The following FSTL4 variants were observed in gnomAD, a reference collection of about 807,000 sequenced individuals.
FSTL4 encodes the protein follistatin-related protein 4.
In FSTL4, 28 loss-of-function variants were observed where a neutral mutation model predicts 78.2. The observed-to-expected ratio is 0.36, with a 90% CI of 0.27 to 0.49. The LOEUF is 0.49. FSTL4 is among the 20% of genes least tolerant of loss of function. The pLI is 0.98. For synonymous variants in FSTL4, 422 were observed against 440.5 expected, an observed-to-expected ratio of 0.96 and a Z score of 0.53; for missense variants, 922 against 1,084.9, an observed-to-expected ratio of 0.85 and a Z score of 2.11.
the FSTL4 span, among the ~76,000 whole-genome samples, chr5:133,672,710 C>T: frequency 2.0e-5 from 3 of 152,212 alleles, no homozygotes; most frequent in Admixed American, 6.5e-5. Context: ...GTTGTTCCTG[C>T]CACAGCTCTC....
chr5:133,779,194 C>T, the FSTL4 span, among the ~76,000 whole-genome samples: 1 of 152,170 alleles, frequency 6.6e-6, no homozygotes, highest in Non-Finnish European at 1.5e-5. Context: ...CTAGTTCAAG[C>T]CCATCCTCTC....
intron 6 of FSTL4, among the ~76,000 whole-genome samples, chr5:133,292,239 T>C (rs1753280948): frequency 6.6e-6 from 1 of 152,216 alleles, no homozygotes; most frequent in African/African-American, 2.4e-5. Flanking sequence ...CATGCAGCCT[T>C]CTCTGACCCG....
intron 2 of FSTL4, 54 bp from the exon 3 acceptor site, chr5:133,567,273 T>C (rs1760046201): frequency 1.6e-6 from 2 of 1,219,414 alleles, no homozygotes; most frequent in Non-Finnish European, 2.4e-6. Context: ...TATGTACAGA[T>C]ACTTGCAAAT....
intron 3 of FSTL4, among the ~76,000 whole-genome samples, chr5:133,439,802 C>T (rs1343202885): frequency 4.6e-5 from 7 of 152,176 alleles, no homozygotes; most frequent in Non-Finnish European, 1.0e-4. Flanking sequence ...AAGGCTTTGC[C>T]GAAGGGGGCA....
At chr5:133,790,899 C>T in the FSTL4 span, among the ~76,000 whole-genome samples, 1 of 152,232 alleles carries the variant, frequency 6.6e-6, no homozygotes, top group Non-Finnish European at 1.5e-5. Context: ...CTGAGTCCAC[C>T]CTTGCCCCAG....
At chr5:133,600,431 G>GA in intron 2 of FSTL4, among the ~76,000 whole-genome samples, 1 of 145,728 alleles carries the variant, frequency 6.9e-6, no homozygotes. Flanking sequence ...AGGGGGGGGG[G>GA]ATATAACAAC....
chr5:133,221,612 T>A (rs1561626380), intron 11 of FSTL4, among the ~76,000 whole-genome samples: 3 of 152,144 alleles, frequency 2.0e-5, no homozygotes, highest in African/African-American at 7.2e-5. Context: ...GGAAAGGGAC[T>A]TGTCTGAGGC....
the FSTL4 span, among the ~76,000 whole-genome samples, chr5:133,683,429 T>C: frequency 6.6e-6 from 1 of 152,200 alleles, no homozygotes; most frequent in Non-Finnish European, 1.5e-5. Context: ...GCAAATTTAA[T>C]ACACAGTAGT....
At chr5:133,581,994 A>G (rs1760423127) in intron 2 of FSTL4, among the ~76,000 whole-genome samples, 1 of 152,178 alleles carries the variant, frequency 6.6e-6, no homozygotes, top group African/African-American at 2.4e-5. Context: ...ACATATGGGG[A>G]AGGGTGTCCC....
In FSTL4 at chr5:133,351,774, G is replaced by GT. The variant is rs1459307107; in HGVS notation, c.410-35123dup. On this transcript the variant is annotated intron_variant, in intron 4 of 15. Transcript: ENST00000265342. ...AGGCATGCACTACCTTGCCCAGCTA[G>GT]TTTTTTTATTTTTAGTAGAGATGGG... is the stretch of plus-strand genomic sequence containing the variant. Among the ~76,000 whole-genome samples, 14 of 151,974 alleles carry GT rather than the reference G, an allele frequency of 9.2e-5. No individual in the cohort carries two copies. The East Asian group carries it at 1.7e-3, about 19-fold the overall frequency.
In FSTL4 at chr5:133,290,036, C is replaced by T. The variant is rs1395234368; in HGVS notation, c.727+22618G>A. Among the ~76,000 whole-genome samples the T allele has an allele frequency of 9.2e-5, 14 of 152,226 alleles. No individual in the cohort carries two copies. The East Asian group carries it at 2.5e-3, about 27-fold the overall frequency. ...AAGTGGGTGCTGATGGCTCTCCATCCCCGAGAGAGTGGCCAAGATCAAGAA... is the reference window on the plus strand; with the variant it reads ...AAGTGGGTGCTGATGGCTCTCCATCTCCGAGAGAGTGGCCAAGATCAAGAA... On this transcript the variant is annotated intron_variant, in intron 6 of 15. Coordinates refer to ENST00000265342, the MANE Select transcript of FSTL4 (RefSeq NM_015082.2).
chr5:133,835,384 T>C, the FSTL4 span, among the ~76,000 whole-genome samples: 2 of 152,194 alleles, frequency 1.3e-5, no homozygotes, highest in Non-Finnish European at 2.9e-5. Context: ...ATATAAAATA[T>C]TAGGCAGTAA....
At chr5:133,596,629 C>G (rs990895562) in intron 2 of FSTL4, among the ~76,000 whole-genome samples, 4 of 152,144 alleles carry the variant, frequency 2.6e-5, no homozygotes, top group Non-Finnish European at 5.9e-5. Flanking sequence ...GGCTCAGTGT[C>G]TAGACACAAC....
At chr5:133,766,182 G>C in the FSTL4 span, among the ~76,000 whole-genome samples, 1 of 152,082 alleles carries the variant, frequency 6.6e-6, no homozygotes, top group African/African-American at 2.4e-5. Context: ...TTCAACCCAT[G>C]GTCTGTTTTT....
the FSTL4 span, among the ~76,000 whole-genome samples, chr5:133,704,115 A>G: frequency 6.6e-6 from 1 of 152,124 alleles, no homozygotes; most frequent in Non-Finnish European, 1.5e-5. Flanking sequence ...TCTCCACACC[A>G]TCAGAGACAA....
chr5:133,545,192 G>A (rs1184750147), intron 3 of FSTL4, among the ~76,000 whole-genome samples: 1 of 152,178 alleles, frequency 6.6e-6, no homozygotes, highest in East Asian at 1.9e-4. Flanking sequence ...GACAAAAAGA[G>A]CTCCCATATA....
At chr5:133,529,960 T>C (rs930008588) in intron 3 of FSTL4, among the ~76,000 whole-genome samples, 7 of 152,144 alleles carry the variant, frequency 4.6e-5, no homozygotes, top group Non-Finnish European at 1.0e-4. Context: ...TGACTTTGTG[T>C]AACCATTTCT....
rs1752152673 is a variant in FSTL4 at position 133,249,580 on chromosome 5, C to T, written c.728-4G>A. ...GCGAGGCTGAGCTGAACCACTTCTG[C>T]AGAGGGAAAGGAGGAGGCACGGTCA... On this transcript the variant is annotated splice_polypyrimidine_tract_variant and splice_region_variant and intron_variant, in intron 6 of 15. Coordinates refer to ENST00000265342, the MANE Select transcript of FSTL4 (RefSeq NM_015082.2). 6.2e-7 allele frequency: 1 copy of T among 1,607,606 alleles called. No individual in the cohort carries two copies. The highest frequency in any genetic ancestry group is 2.2e-5 in the East Asian group (1 of 44,718).
At chr5:133,537,416 T>C (rs1210860896) in intron 3 of FSTL4, among the ~76,000 whole-genome samples, 3 of 152,248 alleles carry the variant, frequency 2.0e-5, no homozygotes, top group Non-Finnish European at 4.4e-5. Context: ...GTTATACAGA[T>C]AAGCAATTAC....
Sources: gnomAD v4.1 joint callset for allele counts (sites outside exome capture counted in the v4.1 genomes callset) on GRCh38, gnomAD v4.1.1 for gene constraint, MANE v1.5 for transcripts, NCBI Gene and HGNC (gene_info 2026-07-23, HGNC 2026-07-21) for gene names.